Variants in UNC79 observed in about 807,000 individuals in gnomAD.
UNC79 encodes unc-79 subunit of NALCN channel complex, also known as protein unc-79 homolog.
In UNC79, 37 loss-of-function variants were observed where a neutral mutation model predicts 283.1. The observed-to-expected ratio is 0.13, with a 90% CI of 0.10 to 0.17. UNC79 has a LOEUF of 0.17. Among genes scored for constraint, UNC79 ranks in the 10% least tolerant of loss-of-function variants. The pLI, the probability that UNC79 is intolerant of heterozygous loss-of-function variation, is 1.00. For synonymous variants in UNC79, 1,107 were observed against 1,200.2 expected, an observed-to-expected ratio of 0.92 and a Z score of 1.61; for missense variants, 2,272 against 3,211.1, an observed-to-expected ratio of 0.71 and a Z score of 7.07.
intron 1 of UNC79, among the ~76,000 whole-genome samples, chr14:93,416,645 T>C (rs2140060548): frequency 6.6e-6 from 1 of 152,266 alleles, no homozygotes; most frequent in Non-Finnish European, 1.5e-5. Flanking sequence ...ATTATTATTG[T>C]GTGGGAGTCT....
intron 5 of UNC79, among the ~76,000 whole-genome samples, chr14:93,492,135 A>G (rs2058757304): frequency 6.6e-6 from 1 of 152,222 alleles, no homozygotes; most frequent in Admixed American, 6.5e-5. Context: ...ACCACACAAA[A>G]ACATAAGATA....
chr14:93,683,462 T>C (rs2073999661), intron 42 of UNC79, among the ~76,000 whole-genome samples: 3 of 152,156 alleles, frequency 2.0e-5, no homozygotes, highest in Admixed American at 2.0e-4. Flanking sequence ...CACACCCAAC[T>C]GCAAGGGATG....
intron 14 of UNC79, among the ~76,000 whole-genome samples, chr14:93,550,534 A>AGAAAAG (rs1567095729): frequency 1.1e-3 from 15 of 13,598 alleles, no homozygotes; most frequent in African/African-American, 3.1e-3. Flanking sequence ...AAAAAAAAAA[A>AGAAAAG]AAAAAAAGAG....
Position 93,493,901 on chromosome 14 carries a change from A to ATTTTTT in UNC79, c.713-2496_713-2491dup, listed in dbSNP as rs71129642. Among the ~76,000 whole-genome samples, 123 of 49,224 alleles carry ATTTTTT rather than the reference A, an allele frequency of 2.5e-3. 3 individuals carry two copies. The highest frequency in any genetic ancestry group is 0.011 in the South Asian group (9 of 814). 32.3% of individuals were successfully genotyped at this position (49,224 alleles called of 152,430 possible). ...TATATATATATATATATATATATAT[A>ATTTTTT]TTTTTTTTTTTTTTTTTTTGAGATA... On this transcript the variant is annotated intron_variant, in intron 5 of 48. Transcript: ENST00000555664.
At chr14:93,357,719 A>G (rs1200374481) in intron 1 of UNC79, among the ~76,000 whole-genome samples, 1 of 107,446 alleles carries the variant, frequency 9.3e-6, no homozygotes, top group Non-Finnish European at 1.9e-5. Context: ...ATATATATAT[A>G]TGGATATATG....
chr14:93,567,546 G>C (rs550236800), intron 14 of UNC79, among the ~76,000 whole-genome samples: 1 of 151,860 alleles, frequency 6.6e-6, no homozygotes, highest in Non-Finnish European at 1.5e-5. Flanking sequence ...TTTTCTGTCC[G>C]TCACTTTCCT....
chr14:93,586,736 G>GTAACC, intron 21 of UNC79, 24 bp from the exon 22 acceptor site: 2 of 1,613,214 alleles, frequency 1.2e-6, no homozygotes, highest in South Asian at 2.2e-5. Context: ...GGATAACTTA[G>GTAACC]TAACCATGTG....
chr14:93,503,350 T>C (rs1169561715), intron 7 of UNC79, among the ~76,000 whole-genome samples: 1 of 152,106 alleles, frequency 6.6e-6, no homozygotes, highest in South Asian at 2.1e-4. Context: ...TTATATATAA[T>C]GTTCCTGTGA....
chr14:93,337,433 A>G (rs2053602754), intron 1 of UNC79, among the ~76,000 whole-genome samples: 3 of 152,234 alleles, frequency 2.0e-5, no homozygotes, highest in Admixed American at 1.3e-4. Context: ...CTGACTGGCT[A>G]GCTGACCTGT....
In UNC79 at chr14:93,497,416, C is replaced by T. The variant is rs962792576; in HGVS notation, c.898+130C>T. Reference sequence around the variant, plus strand: ...ATGCCTTTGGACATGGTCATAAATCCTTTCTGAAACTAAGTGGTTTAAAGA... The same window carrying T: ...ATGCCTTTGGACATGGTCATAAATCTTTTCTGAAACTAAGTGGTTTAAAGA... On this transcript the variant is annotated intron_variant, in intron 7 of 48. Transcript: ENST00000555664. The T allele has an allele frequency of 5.7e-6, 7 of 1,232,012 alleles. No individual in the cohort carries two copies. In the East Asian group the frequency reaches 1.7e-4, roughly 30 times the overall value. 76.3% of individuals were successfully genotyped at this position (1,232,012 alleles called of 1,614,324 possible). A position where few individuals can be genotyped will look rare whatever the true frequency, so the allele number is the denominator to read the frequency against.
At chr14:93,426,138 G>T (rs551636772), upstream of UNC79, among the ~76,000 whole-genome samples, 2 of 152,212 alleles carry the variant, frequency 1.3e-5, no homozygotes, top group Admixed American at 6.5e-5. Context: ...GTATGGTAAA[G>T]ATGTTAGTTT....
intron 22 of UNC79, among the ~76,000 whole-genome samples, chr14:93,590,967 T>C (rs531345856): frequency 3.3e-5 from 5 of 152,360 alleles, no homozygotes; most frequent in Non-Finnish European, 7.3e-5. Flanking sequence ...TTCAGGTTTC[T>C]GCATACCTAC....
chr14:93,643,953 C>A (rs887507576), intron 34 of UNC79, among the ~76,000 whole-genome samples: 1 of 152,220 alleles, frequency 6.6e-6, no homozygotes, highest in Admixed American at 6.5e-5. Context: ...CTGTTTGTTA[C>A]CCCTGTCACT....
At chr14:93,542,788 G>A (rs1018521235) in intron 14 of UNC79, 92 bp downstream of exon 14, 2 of 1,204,576 alleles carry the variant, frequency 1.7e-6, no homozygotes, top group African/African-American at 3.0e-5. Flanking sequence ...AGTGTCTGCA[G>A]AGGAGGAACA....
Position 93,420,997 on chromosome 14 carries a change from T to G in UNC79, c.-350-46674T>G, listed in dbSNP as rs76219696. ...TTCCCAGCTATAAGTGCCTACATTG[T>G]GGAATAAGAAAGCTTCAAATAAACA... On this transcript the variant is annotated intron_variant, in intron 1 of 49. Transcript: ENST00000256339. Among the ~76,000 whole-genome samples, 736 of 151,672 alleles carry G rather than the reference T, an allele frequency of 4.9e-3. 11 individuals carry two copies. The highest frequency in any genetic ancestry group is 0.017 in the African/African-American group (685 of 41,468).
At chr14:93,625,345 C>T (rs769596305) in intron 30 of UNC79, among the ~76,000 whole-genome samples, 16 of 152,236 alleles carry the variant, frequency 1.1e-4, no homozygotes, top group African/African-American at 2.9e-4. Flanking sequence ...TGCATCATCA[C>T]GAACCCTGGC....
At chr14:93,423,826 C>A (rs1035237895) in intron 1 of UNC79, among the ~76,000 whole-genome samples, 1 of 152,162 alleles carries the variant, frequency 6.6e-6, no homozygotes, top group African/African-American at 2.4e-5. Context: ...GAGTAATACT[C>A]CACAGGCACA....
At chr14:93,484,052 C>T (rs2058283530) in intron 4 of UNC79, among the ~76,000 whole-genome samples, 1 of 152,154 alleles carries the variant, frequency 6.6e-6, no homozygotes, top group Non-Finnish European at 1.5e-5. Context: ...TGGGTATATA[C>T]CCAGTAATGG....
chr14:93,553,917 A>G (rs2062022683), intron 14 of UNC79, among the ~76,000 whole-genome samples: 1 of 152,246 alleles, frequency 6.6e-6, no homozygotes, highest in Non-Finnish European at 1.5e-5. Context: ...AAATATCAAA[A>G]TTTAAAACAC....
Sources: gnomAD v4.1 joint callset for allele counts (sites outside exome capture counted in the v4.1 genomes callset) on GRCh38, gnomAD v4.1.1 for gene constraint, MANE v1.5 for transcripts, NCBI Gene and HGNC (gene_info 2026-07-23, HGNC 2026-07-21) for gene names.